The following FRMD3 variants were observed in gnomAD, a reference collection of about 807,000 sequenced individuals.
FRMD3 encodes FERM domain containing 3.
FRMD3 carries 33 observed loss-of-function variants against 70.2 expected under a neutral mutation model. The ratio of observed to expected loss-of-function variants is 0.47; its 90% CI spans 0.36 to 0.63. The LOEUF (loss-of-function observed/expected upper bound fraction) is 0.63. FRMD3 is among the 20% of genes least tolerant of loss of function. The pLI, the probability that FRMD3 is intolerant of heterozygous loss-of-function variation, is 0.00. For missense variants in FRMD3, 632 were observed against 711.4 expected, an observed-to-expected ratio of 0.89 and a Z score of 1.27; for synonymous variants, 279 against 255.9, an observed-to-expected ratio of 1.09 and a Z score of -0.86.
chr9:83,267,079 G>T lies in FRMD3; in HGVS notation c.1196-18563C>A, dbSNP rs759065071. The T allele has an allele frequency of 2.7e-5, 42 of 1,550,730 alleles. No individual in the cohort carries two copies. In the Middle Eastern group the frequency reaches 5.0e-4, roughly 18 times the overall value. ...GAACAAACACATTACTGTTGCAGTG[G>T]TTCACCATGTGCAATTGGAGGCTTC... is the stretch of plus-strand genomic sequence containing the variant. On this transcript the variant is annotated intron_variant, in intron 13 of 13. Transcript: ENST00000304195.
At chr9:83,331,311 A>G (rs186978859) in intron 6 of FRMD3, among the ~76,000 whole-genome samples, 83 of 152,364 alleles carry the variant, frequency 5.4e-4, no homozygotes, top group African/African-American at 1.9e-3. Flanking sequence ...CATGGAGGAA[A>G]CTTAAATGCA....
At chr9:83,327,339 G>T (rs1436459907) in intron 6 of FRMD3, among the ~76,000 whole-genome samples, 1 of 152,106 alleles carries the variant, frequency 6.6e-6, no homozygotes, top group Non-Finnish European at 1.5e-5. Flanking sequence ...CAAATGTTTG[G>T]GAGTGCTCTC....
At chr9:83,356,144 A>G (rs1040524705) in intron 3 of FRMD3, among the ~76,000 whole-genome samples, 4 of 152,158 alleles carry the variant, frequency 2.6e-5, no homozygotes, top group Admixed American at 6.5e-5. Flanking sequence ...ATAGGAAACG[A>G]TTAAATTGAG....
chr9:83,391,168 C>T (rs959763372), intron 1 of FRMD3, among the ~76,000 whole-genome samples: 1 of 152,188 alleles, frequency 6.6e-6, no homozygotes, highest in Non-Finnish European at 1.5e-5. Flanking sequence ...TTTGAATAAG[C>T]TTCAAGTTTT....
chr9:83,581,926 A>G, the FRMD3 span, among the ~76,000 whole-genome samples: 1 of 152,176 alleles, frequency 6.6e-6, no homozygotes, highest in South Asian at 2.1e-4. Context: ...ACATGGTTTC[A>G]TGTTAGAATG....
chr9:83,416,501 T>C (rs766359454), intron 1 of FRMD3, among the ~76,000 whole-genome samples: 1 of 152,252 alleles, frequency 6.6e-6, no homozygotes, highest in Admixed American at 6.5e-5. Flanking sequence ...CAAAGACTCA[T>C]GTGAACAGGG....
At chr9:83,290,809 C>A (rs1834389592) in intron 12 of FRMD3, 82 bp from the exon 13 acceptor site, 2 of 1,464,446 alleles carry the variant, frequency 1.4e-6, no homozygotes, top group East Asian at 4.6e-5. Flanking sequence ...CCCAAGCTAC[C>A]ATTTTGTGTC....
chr9:83,457,891 G>A (rs545535274), intron 1 of FRMD3, among the ~76,000 whole-genome samples: 1 of 149,612 alleles, frequency 6.7e-6, no homozygotes, highest in South Asian at 2.1e-4. Flanking sequence ...ACATCACATT[G>A]TACACTTCAA....
At chr9:83,345,641 C>T (rs1378152284) in intron 4 of FRMD3, among the ~76,000 whole-genome samples, 3 of 152,014 alleles carry the variant, frequency 2.0e-5, no homozygotes, top group African/African-American at 4.8e-5. Context: ...CCTATAATCC[C>T]AGCTACTCGG....
At chr9:83,328,408 T>C (rs997611394) in intron 6 of FRMD3, among the ~76,000 whole-genome samples, 1 of 152,174 alleles carries the variant, frequency 6.6e-6, no homozygotes, top group African/African-American at 2.4e-5. Context: ...TGGCTCAAAC[T>C]ACATACATCT....
chr9:83,252,589 C>A (rs1156617850), intron 13 of FRMD3, among the ~76,000 whole-genome samples: 1 of 152,062 alleles, frequency 6.6e-6, no homozygotes, highest in African/African-American at 2.4e-5. Context: ...GGGAAAAGAG[C>A]CAAGACCCAT....
intron 2 of FRMD3, among the ~76,000 whole-genome samples, chr9:83,376,201 G>A (rs7019165): frequency 0.7 from 105,540 of 149,862 alleles, 37,416 homozygotes; most frequent in Admixed American, 0.73. Flanking sequence ...CACCTGACAG[G>A]TCCATGGCCC....
intron 13 of FRMD3, among the ~76,000 whole-genome samples, chr9:83,257,029 C>T (rs1832739131): frequency 6.6e-6 from 1 of 151,998 alleles, no homozygotes; most frequent in Admixed American, 6.6e-5. Flanking sequence ...GGGTTTATAC[C>T]CAAAGGAATA....
chr9:83,405,621 T>C (rs555111012), intron 1 of FRMD3, among the ~76,000 whole-genome samples: 1 of 142,890 alleles, frequency 7.0e-6, no homozygotes, highest in South Asian at 2.3e-4. Flanking sequence ...AAAAAAAAAA[T>C]TAGCCGGGCA....
Position 83,415,431 on chromosome 9 carries a change from GA to G in FRMD3, c.148-25724del, listed in dbSNP as rs1422707046. On this transcript the variant is annotated intron_variant, in intron 1 of 13. Transcript: ENST00000304195. ...AGTAAAACTATGTTCCTGAGACCGA[GA>G]AAGGAAATTCTTTTTTTTTTTTTTT... 2.0e-5 allele frequency among the ~76,000 whole-genome samples: 3 copies of G among 148,962 alleles called. No individual in the cohort carries two copies. The East Asian group carries it at 6.0e-4, about 30-fold the overall frequency.
intron 10 of FRMD3, among the ~76,000 whole-genome samples, chr9:83,304,139 T>G (rs188300480): frequency 6.6e-6 from 1 of 152,322 alleles, no homozygotes; most frequent in East Asian, 1.9e-4. Flanking sequence ...CATTCATCAT[T>G]TGATGGACAT....
At chr9:83,395,272 ATT>A (rs1314261903) in intron 1 of FRMD3, among the ~76,000 whole-genome samples, 218 of 54,568 alleles carry the variant, frequency 4.0e-3, no homozygotes, top group African/African-American at 0.015. Context: ...TCCTCTATAG[ATT>A]TAAAAAAAAA....
At chr9:83,457,412 C>T (rs1827849346) in intron 1 of FRMD3, among the ~76,000 whole-genome samples, 1 of 152,090 alleles carries the variant, frequency 6.6e-6, no homozygotes, top group African/African-American at 2.4e-5. Context: ...TCACACACAC[C>T]CTCATTGACC....
intron 1 of FRMD3, among the ~76,000 whole-genome samples, chr9:83,452,695 G>T (rs909902801): frequency 3.9e-5 from 6 of 151,980 alleles, no homozygotes; most frequent in Non-Finnish European, 7.4e-5. Context: ...TGTTAGCCAG[G>T]ATGGTCTCCA....
Sources: allele counts gnomAD v4.1 joint callset (sites outside exome capture counted in the v4.1 genomes callset), GRCh38; gene constraint gnomAD v4.1.1; transcripts MANE v1.5; gene names NCBI Gene and HGNC (gene_info 2026-07-23, HGNC 2026-07-21).